ZFP82: variants seen among roughly 807,000 people sequenced by gnomAD.
ZFP82 encodes ZFP82 zinc finger protein, also known as zinc finger protein 82 homolog.
A neutral mutation model predicts 54.0 loss-of-function variants in ZFP82; 30 were observed. The ratio of observed to expected loss-of-function variants is 0.56; its 90% CI spans 0.42 to 0.75. The LOEUF (loss-of-function observed/expected upper bound fraction) is 0.75, where lower values mean the gene tolerates loss of function less well. ZFP82 is among the 30% of genes least tolerant of loss of function. The pLI is 0.00. For missense variants in ZFP82, 500 were observed against 636.8 expected, an observed-to-expected ratio of 0.79 and a Z score of 2.31; for synonymous variants, 194 against 209.5, an observed-to-expected ratio of 0.93 and a Z score of 0.64.
rs941288124 is a variant in ZFP82 at position 36,399,490 on chromosome 19, G to A, written c.230-5380C>T. ...CTCCAGAGGAGGCAACAGACAAGAG[G>A]TTAGGGTATCAGAGATGGGTCAGTG... is the stretch of plus-strand genomic sequence containing the variant. On this transcript the variant is annotated intron_variant, in intron 4 of 4. Coordinates refer to ENST00000392161, the MANE Select transcript of ZFP82 (RefSeq NM_133466.4). Among the ~76,000 whole-genome samples the A allele has an allele frequency of 3.3e-5, 5 of 152,216 alleles. No homozygotes were observed. In the East Asian group the frequency reaches 5.8e-4, roughly 18 times the overall value.
At chr19:36,386,339 G>A (rs937799414), downstream of ZFP82, among the ~76,000 whole-genome samples, 2 of 152,232 alleles carry the variant, frequency 1.3e-5, no homozygotes, top group African/African-American at 2.4e-5. Context: ...CAAGAGTCAC[G>A]GGGGCATGGC....
At chr19:36,397,345 G>A (rs143712110) in intron 4 of ZFP82, among the ~76,000 whole-genome samples, 37 of 151,682 alleles carry the variant, frequency 2.4e-4, no homozygotes, top group African/African-American at 8.9e-4. Context: ...CACCCGCCTC[G>A]GCCTCCCAAA....
In ZFP82 at chr19:36,390,329, G is replaced by GCTTTTTTTTT. The variant is rs373296227; in HGVS notation, c.*2411_*2412insAAAAAAAAAG. 1 of 120,376 alleles carries GCTTTTTTTTT rather than the reference G, an allele frequency of 8.3e-6. No individual in the cohort carries two copies. Among genetic ancestry groups the GCTTTTTTTTT allele is most frequent in the Non-Finnish European group, 1.6e-5 (1 of 60,626 alleles). 7.5% of individuals were successfully genotyped at this position (120,376 alleles called of 1,614,324 possible). On this transcript the variant is annotated 3_prime_UTR_variant, in exon 5 of 5. Transcript: ENST00000392161. ...CTTTAAAGTGTAGGATTCCATTTTT[G>GCTTTTTTTTT]TCTTTTTTTTTTTTTTTTTTGACAT...
intron 4 of ZFP82, among the ~76,000 whole-genome samples, chr19:36,400,221 T>C (rs551009930): frequency 9.8e-4 from 149 of 152,294 alleles, no homozygotes; most frequent in African/African-American, 3.4e-3. Context: ...ATAAATGTGA[T>C]TCCTCTTTGC....
rs544012725 is a variant in ZFP82 at position 36,404,314 on chromosome 19, T to G, written c.229+1266A>C. Among the ~76,000 whole-genome samples, 9 of 152,302 alleles carry G rather than the reference T, an allele frequency of 5.9e-5. No individual in the cohort carries two copies. In the East Asian group the frequency reaches 1.3e-3, roughly 23 times the overall value. ...CCATTTGCTTCCAATCCCTTTCACC[T>G]TTCTGATCATTAGATTTTCTCAAAA... On this transcript the variant is annotated intron_variant, in intron 4 of 4. Transcript: ENST00000392161.
intron 1 of ZFP82, among the ~76,000 whole-genome samples, chr19:36,410,747 C>T (rs1297812544): frequency 6.6e-5 from 10 of 152,076 alleles, no homozygotes; most frequent in South Asian, 4.2e-4. Context: ...ATGATCCGCC[C>T]GCCTCGGCAT....
intron 1 of ZFP82, among the ~76,000 whole-genome samples, chr19:36,411,709 C>T (rs945564271): frequency 5.9e-5 from 9 of 151,546 alleles, no homozygotes; most frequent in African/African-American, 1.9e-4. Flanking sequence ...ACTAAAAATA[C>T]AAAAAATTAG....
chr19:36,416,876 C>G (rs1218529791), intron 1 of ZFP82, among the ~76,000 whole-genome samples: 1 of 151,286 alleles, frequency 6.6e-6, no homozygotes, highest in Non-Finnish European at 1.5e-5. Flanking sequence ...AGTTTGAGAC[C>G]AGCCTGGCCA....
At chr19:36,407,177 C>T (rs913450491) in intron 3 of ZFP82, among the ~76,000 whole-genome samples, 5 of 148,604 alleles carry the variant, frequency 3.4e-5, no homozygotes, top group African/African-American at 7.4e-5. Flanking sequence ...CCCGGGTTCA[C>T]GCCATTCTCC....
At chr19:36,384,536 T>G (rs1004840820), downstream of ZFP82, 4 of 152,228 alleles carry the variant, frequency 2.6e-5, no homozygotes, top group Admixed American at 1.3e-4. Flanking sequence ...TCCATTTTCT[T>G]TCATATTGAT....
chr19:36,395,858 T>C (rs538040232), intron 4 of ZFP82: 89 of 152,236 alleles, frequency 5.8e-4, no homozygotes, highest in African/African-American at 1.8e-3. Context: ...CTTAGGTCAA[T>C]AGGAAAATAA....
At chr19:36,405,056 C>T (rs1035248083) in intron 4 of ZFP82, among the ~76,000 whole-genome samples, 9 of 151,906 alleles carry the variant, frequency 5.9e-5, no homozygotes, top group African/African-American at 9.7e-5. Context: ...TGGTGGCACA[C>T]GCCCGTAAAC....
rs550102302 is a variant in ZFP82, at chr19:36,416,279, T to C, written c.-79+2213A>G. Among the ~76,000 whole-genome samples the C allele has an allele frequency of 4.6e-5, 7 of 152,344 alleles. No homozygotes were observed. In the South Asian group the frequency reaches 1.4e-3, roughly 32 times the overall value. ...AAAAACATTCTCAAAGGTTACAGACTTTGATTCTAGGCCAGTAGATCTGAA... is the reference window on the plus strand; with the variant it reads ...AAAAACATTCTCAAAGGTTACAGACCTTGATTCTAGGCCAGTAGATCTGAA... On this transcript the variant is annotated intron_variant, in intron 1 of 4. Coordinates refer to ENST00000392161, the MANE Select transcript of ZFP82 (RefSeq NM_133466.4).
intron 1 of ZFP82, among the ~76,000 whole-genome samples, chr19:36,413,400 G>A (rs764621828): frequency 6.6e-6 from 1 of 151,882 alleles, no homozygotes; most frequent in Non-Finnish European, 1.5e-5. Context: ...AACAGAGTGA[G>A]ATTCTGTCTC....
chr19:36,409,988 C>T (rs755524667), intron 1 of ZFP82, 121 bp from the exon 2 acceptor site: 66 of 569,732 alleles, frequency 1.2e-4, no homozygotes, highest in Middle Eastern at 4.8e-4. Context: ...CCAACACACA[C>T]GCGCGCACAC....
rs531973704 is a variant in ZFP82 at position 36,390,094 on chromosome 19, G to C, written c.*2647C>G. On this transcript the variant is annotated 3_prime_UTR_variant, in exon 5 of 5. Transcript: ENST00000392161. ...GCTGTGCTCTCACCCTCTGCCTCCT[G>C]ATACACCCAGGTGCTTCTTTACGTG... Among the ~76,000 whole-genome samples, 1 of 152,222 alleles carries C rather than the reference G, an allele frequency of 6.6e-6. No individual in the cohort carries two copies. The highest frequency in any genetic ancestry group is 6.5e-5 in the Admixed American group (1 of 15,286).
At chr19:36,400,424 C>T (rs534344433) in intron 4 of ZFP82, among the ~76,000 whole-genome samples, 1 of 152,330 alleles carries the variant, frequency 6.6e-6, no homozygotes, top group African/African-American at 2.4e-5. Flanking sequence ...TAAAACCCGA[C>T]ATCTAAGGAA....
Position 36,393,327 on chromosome 19 carries a change from T to C in ZFP82, c.1013A>G (p.Tyr338Cys), listed in dbSNP as rs777027210. 3.7e-6 allele frequency: 6 copies of C among 1,614,100 alleles called. No individual in the cohort carries two copies. The highest frequency in any genetic ancestry group is 1.1e-5 in the South Asian group (1 of 91,078). Reference sequence around the variant, plus strand: ...GGCCTTCCCGCATTCCTTACATTCATAGGGTTTCTCACCAGTATGAAGTTT... The same window carrying C: ...GGCCTTCCCGCATTCCTTACATTCACAGGGTTTCTCACCAGTATGAAGTTT... ...HHKLHTGEKPYECKECGKAFR... is the reference protein window; with the variant it reads ...HHKLHTGEKPCECKECGKAFR... The change falls in exon 5 of 5, where the codon TAT becomes TGT. Residue 338 changes from tyrosine to cysteine, a missense_variant. Coordinates refer to ENST00000392161, the MANE Select transcript of ZFP82 (RefSeq NM_133466.4).
At chr19:36,385,940 G>A (rs962022442), downstream of ZFP82, among the ~76,000 whole-genome samples, 17 of 152,204 alleles carry the variant, frequency 1.1e-4, no homozygotes, top group Admixed American at 8.5e-4. Flanking sequence ...TAATTAAAAG[G>A]AAGGCAGAAC....
Sources: gnomAD v4.1 joint callset for allele counts (sites outside exome capture counted in the v4.1 genomes callset) on GRCh38, gnomAD v4.1.1 for gene constraint, MANE v1.5 for transcripts, NCBI Gene and HGNC (gene_info 2026-07-23, HGNC 2026-07-21) for gene names.